The following CACNA2D1 variants were observed in gnomAD, a reference collection of about 807,000 sequenced individuals.
CACNA2D1 encodes calcium voltage-gated channel auxiliary subunit alpha2delta 1.
Under a neutral mutation model 171.5 loss-of-function variants are expected in CACNA2D1, and 53 were observed. The ratio of observed to expected loss-of-function variants is 0.31; its 90% CI spans 0.25 to 0.39. CACNA2D1 has a LOEUF of 0.39. CACNA2D1 is among the 10% of genes least tolerant of loss of function. The pLI is 1.00. For missense variants in CACNA2D1, 903 were observed against 1,299.8 expected, an observed-to-expected ratio of 0.69 and a Z score of 4.69; for synonymous variants, 442 against 443.1, an observed-to-expected ratio of 1.00 and a Z score of 0.03.
intron 7 of CACNA2D1, among the ~76,000 whole-genome samples, chr7:82,079,252 C>T (rs1051715200): frequency 1.3e-5 from 2 of 152,174 alleles, no homozygotes; most frequent in African/African-American, 4.8e-5. Flanking sequence ...AACAATTATA[C>T]CATCTAAGCA....
At chr7:82,150,005 C>T (rs1793639057) in intron 4 of CACNA2D1, among the ~76,000 whole-genome samples, 1 of 151,504 alleles carries the variant, frequency 6.6e-6, no homozygotes, top group Admixed American at 6.6e-5. Context: ...TGTGTGTGTG[C>T]ATGCACTGAG....
intron 6 of CACNA2D1, among the ~76,000 whole-genome samples, chr7:82,099,867 T>C (rs562571326): frequency 1.1e-4 from 16 of 152,176 alleles, no homozygotes; most frequent in African/African-American, 3.9e-4. Flanking sequence ...ATTAATGACA[T>C]TTACATCATT....
At chr7:82,055,942 A>ATG (rs1339099557) in intron 10 of CACNA2D1, among the ~76,000 whole-genome samples, 1 of 138,202 alleles carries the variant, frequency 7.2e-6, no homozygotes, top group Non-Finnish European at 1.6e-5. Context: ...ATATATATAT[A>ATG]TATATAATTT....
In CACNA2D1 at chr7:81,950,516, TA is replaced by T. The variant is rs367960608; in HGVS notation, c.3160-9del. 2,094 of 1,413,882 alleles carry T rather than the reference TA, an allele frequency of 1.5e-3. 3 individuals are homozygous for T. Among genetic ancestry groups the T allele is most frequent in the Admixed American group, 5.7e-3 (288 of 50,554 alleles). 87.6% of individuals were successfully genotyped at this position (1,413,882 alleles called of 1,614,324 possible). On this transcript the variant is annotated splice_polypyrimidine_tract_variant and intron_variant, in intron 38 of 38. Coordinates refer to ENST00000356860, the MANE Select transcript of CACNA2D1 (RefSeq NM_000722.4). Reference sequence around the variant, plus strand: ...ACAGTCAGTATAATCCTCCTGTTGTTAAAAAAAAAAGAAAAGAACAGAAAAA... The same window carrying T: ...ACAGTCAGTATAATCCTCCTGTTGTTAAAAAAAAAGAAAAGAACAGAAAAA...
rs188275355 is a variant in CACNA2D1, at chr7:82,407,782, T to A, written c.95+35583A>T. 4.8e-3 allele frequency among the ~76,000 whole-genome samples: 724 copies of A among 152,254 alleles called. 3 individuals are homozygous for A. The highest frequency in any genetic ancestry group is 0.016 in the African/African-American group (679 of 41,550). On this transcript the variant is annotated intron_variant, in intron 1 of 38. Transcript: ENST00000356860. ...GGACTAGACACTGTAGAACATAGTATTTGTTCAATAAATCATTTTTGAACA... is the reference window on the plus strand; with the variant it reads ...GGACTAGACACTGTAGAACATAGTAATTGTTCAATAAATCATTTTTGAACA...
intron 3 of CACNA2D1, among the ~76,000 whole-genome samples, chr7:82,318,878 GAGA>G (rs74272992): frequency 0.26 from 38,881 of 151,884 alleles, 5,577 homozygotes; most frequent in Non-Finnish European, 0.32. Flanking sequence ...GAGGAAGAGG[GAGA>G]AGAAGAAGAG....
At chr7:82,434,750 T>C (rs1416176033) in intron 1 of CACNA2D1, among the ~76,000 whole-genome samples, 1 of 152,132 alleles carries the variant, frequency 6.6e-6, no homozygotes, top group African/African-American at 2.4e-5. Context: ...GTCTCCATAT[T>C]CTCAACTTGA....
In CACNA2D1 at chr7:82,117,123, G is replaced by A; in HGVS notation, c.447C>T (p.Phe149=). 1 of 1,613,782 alleles carries A rather than the reference G, an allele frequency of 6.2e-7. No individual in the cohort carries two copies. The highest frequency in any genetic ancestry group is 1.1e-5 in the South Asian group (1 of 91,080). The change falls in exon 6 of 39, where the codon TTC becomes TTT. Residue 149 remains phenylalanine (F), a synonymous_variant. Transcript: ENST00000356860. ...GTCGTCCAAAATTAGCATCTTCAAT[G>A]AAAACAGGTTTTATCCTCTGGCTGC... ...EPGSQRIKPV[F]IEDANFGRQI...
At chr7:82,119,539 C>G (rs1450142879) in intron 5 of CACNA2D1, among the ~76,000 whole-genome samples, 1 of 152,062 alleles carries the variant, frequency 6.6e-6, no homozygotes, top group Non-Finnish European at 1.5e-5. Context: ...ATTTGTCTCA[C>G]CCTTAGAACT....
intron 6 of CACNA2D1, among the ~76,000 whole-genome samples, chr7:82,090,394 C>T (rs962836565): frequency 6.6e-6 from 1 of 151,954 alleles, no homozygotes; most frequent in Non-Finnish European, 1.5e-5. Flanking sequence ...GGACTAGATA[C>T]TAAAAATTAT....
chr7:82,393,544 G>A (rs1357671514), intron 1 of CACNA2D1, among the ~76,000 whole-genome samples: 2 of 152,118 alleles, frequency 1.3e-5, no homozygotes, highest in Non-Finnish European at 2.9e-5. Flanking sequence ...AGATATAAAA[G>A]ATGCAGTTTC....
At chr7:82,380,037 T>C (rs1160987323) in intron 1 of CACNA2D1, among the ~76,000 whole-genome samples, 3 of 152,186 alleles carry the variant, frequency 2.0e-5, no homozygotes, top group African/African-American at 7.2e-5. Context: ...CATCATCCCA[T>C]AACCCACCTT....
Position 82,443,392 on chromosome 7 carries a change from G to A in CACNA2D1, c.68C>T (p.Ser23Leu), listed in dbSNP as rs532261094. 3.9e-5 allele frequency: 62 copies of A among 1,604,614 alleles called. 2 individuals carry two copies. In the South Asian group the frequency reaches 4.7e-4, roughly 12 times the overall value. ...LFQSLLIGPS[S>L]EEPFPSAVTI... ...GACGGCCGAAGGGAACGGCTCCTCCGACGAGGGGCCGATGAGCAAAGATTG... is the reference window on the plus strand; with the variant it reads ...GACGGCCGAAGGGAACGGCTCCTCCAACGAGGGGCCGATGAGCAAAGATTG... The change falls in exon 1 of 39, where the codon TCG becomes TTG. Residue 23 changes from serine (S) to leucine (L), a missense_variant. Coordinates refer to ENST00000356860, the MANE Select transcript of CACNA2D1 (RefSeq NM_000722.4).
chr7:81,959,301 CA>C lies in CACNA2D1; in HGVS notation c.3132del (p.Asp1045MetfsTer21). 1 of 1,610,570 alleles carries C rather than the reference CA, an allele frequency of 6.2e-7. No homozygotes were observed. The highest frequency in any genetic ancestry group is 8.5e-7 in the Non-Finnish European group (1 of 1,177,016). ...MVKQPRYRKG[P>X]DVCFDNNVLE... Reference sequence around the variant, plus strand: ...AAGACATTGTTATCAAAGCAGACATCAGGCCCTTTTCGGTATCTGGGTTGCT... The same window carrying C: ...AAGACATTGTTATCAAAGCAGACATCGGCCCTTTTCGGTATCTGGGTTGCT... On this transcript the variant is annotated frameshift_variant, in exon 38 of 39. Coordinates refer to ENST00000356860, the MANE Select transcript of CACNA2D1 (RefSeq NM_000722.4). LOFTEE classifies it high-confidence loss of function.
intron 23 of CACNA2D1, among the ~76,000 whole-genome samples, chr7:81,982,921 GTGAT>G (rs1225605862): frequency 1.3e-5 from 2 of 151,926 alleles, no homozygotes; most frequent in Non-Finnish European, 2.9e-5. Flanking sequence ...CTTTTAAAAA[GTGAT>G]TGATATGAAT....
intron 3 of CACNA2D1, among the ~76,000 whole-genome samples, chr7:82,207,917 A>C (rs1018651628): frequency 6.6e-6 from 1 of 152,076 alleles, no homozygotes; most frequent in African/African-American, 2.4e-5. Context: ...GGTATACAAA[A>C]CCCTCCCATT....
chr7:82,410,497 T>C (rs1827527514), intron 1 of CACNA2D1: 1 of 985,204 alleles, frequency 1.0e-6, no homozygotes, highest in Admixed American at 6.2e-5. Flanking sequence ...GTAGAAAAAT[T>C]ACCTCTTTCA....
At chr7:82,386,319 A>T (rs1359071688) in intron 1 of CACNA2D1, among the ~76,000 whole-genome samples, 1 of 152,186 alleles carries the variant, frequency 6.6e-6, no homozygotes, top group Non-Finnish European at 1.5e-5. Flanking sequence ...ATACAACCAA[A>T]CATCATTACA....
rs1007621622 is a variant in CACNA2D1, at chr7:82,004,970, G to A, written c.1590+453C>T. ...TACAATCTCTTACATCTGTTTACAG[G>A]CCTGTCCTAAAGTAAAAGGAAAACC... On this transcript the variant is annotated intron_variant, in intron 18 of 38. Coordinates refer to ENST00000356860, the MANE Select transcript of CACNA2D1 (RefSeq NM_000722.4). Among the ~76,000 whole-genome samples, 5 of 152,078 alleles carry A rather than the reference G, an allele frequency of 3.3e-5. No individual in the cohort carries two copies. In the East Asian group the frequency reaches 9.6e-4, roughly 29 times the overall value.
Sources: allele counts gnomAD v4.1 joint callset (sites outside exome capture counted in the v4.1 genomes callset), GRCh38; gene constraint gnomAD v4.1.1; transcripts MANE v1.5; gene names NCBI Gene and HGNC (gene_info 2026-07-23, HGNC 2026-07-21).